The following PLPPR4 variants were observed in gnomAD, a reference collection of about 807,000 sequenced individuals.
The protein encoded by PLPPR4 is phospholipid phosphatase-related protein type 4.
In PLPPR4, 24 loss-of-function variants were observed where a neutral mutation model predicts 56.6. That is an observed-to-expected ratio of 0.42 (90% CI 0.31 to 0.60). PLPPR4 has a LOEUF of 0.60. Ranked by LOEUF, PLPPR4 falls within the 20% of genes least tolerant of loss-of-function variation. The probability of loss-of-function intolerance (pLI) is 0.13; values close to 1 mark genes in which losing one functional copy is unlikely to be tolerated. For synonymous variants in PLPPR4, 326 were observed against 328.1 expected, an observed-to-expected ratio of 0.99 and a Z score of 0.07; for missense variants, 654 against 885.8, an observed-to-expected ratio of 0.74 and a Z score of 3.32.
intron 3 of PLPPR4, among the ~76,000 whole-genome samples, chr1:99,298,521 G>C (rs529805593): frequency 3.9e-5 from 6 of 152,188 alleles, no homozygotes; most frequent in African/African-American, 1.4e-4. Context: ...TCATTTCCAC[G>C]TTAGGGCCTG....
intron 1 of PLPPR4, among the ~76,000 whole-genome samples, chr1:99,280,675 A>C (rs904106222): frequency 1.3e-5 from 2 of 152,228 alleles, no homozygotes; most frequent in Non-Finnish European, 2.9e-5. Flanking sequence ...AGCCTGGAGA[A>C]GGTTTCAGGG....
At chr1:99,269,782 G>GA (rs1659002666) in intron 1 of PLPPR4, among the ~76,000 whole-genome samples, 1 of 152,142 alleles carries the variant, frequency 6.6e-6, no homozygotes, top group Non-Finnish European at 1.5e-5. Context: ...TACAGATAGA[G>GA]AAAAGAGTTT....
At chr1:99,300,371 A>C (rs190354877) in intron 4 of PLPPR4, among the ~76,000 whole-genome samples, 5 of 152,002 alleles carry the variant, frequency 3.3e-5, no homozygotes, top group Non-Finnish European at 7.4e-5. Flanking sequence ...AGTGTACTAC[A>C]TTTTGTTAAT....
At chr1:99,275,269 C>T (rs1659155770) in intron 1 of PLPPR4, among the ~76,000 whole-genome samples, 1 of 151,964 alleles carries the variant, frequency 6.6e-6, no homozygotes, top group Admixed American at 6.6e-5. Flanking sequence ...CCTTTAAGAC[C>T]TCATTTGGTT....
intron 2 of PLPPR4, among the ~76,000 whole-genome samples, chr1:99,291,268 T>A (rs772981428): frequency 4.6e-5 from 7 of 152,080 alleles, no homozygotes; most frequent in Non-Finnish European, 8.8e-5. Context: ...AAATGGCTAT[T>A]ATTAAAAAGT....
chr1:99,304,377 C>T (rs1341473516), intron 6 of PLPPR4, among the ~76,000 whole-genome samples: 2 of 152,104 alleles, frequency 1.3e-5, no homozygotes, highest in South Asian at 4.1e-4. Context: ...TGTAAGTGAA[C>T]TTTATGATGT....
At position 99,305,680 on chromosome 1, in the gene PLPPR4, A is replaced by T; in HGVS notation, c.823-5A>T. The T allele has an allele frequency of 6.2e-7, 1 of 1,608,922 alleles. No homozygotes were observed. Among genetic ancestry groups the T allele is most frequent in the Non-Finnish European group, 8.5e-7 (1 of 1,177,740 alleles). ...TGATATTTATTGCTTTCTCTCAAAC[A>T]CTAGGGCTTGTATGCTGTGGGGAAT... is the stretch of plus-strand genomic sequence containing the variant. On this transcript the variant is annotated splice_polypyrimidine_tract_variant and splice_region_variant and intron_variant, in intron 6 of 6. Transcript: ENST00000370185.
At position 99,296,368 on chromosome 1, in the gene PLPPR4, A is replaced by G. The variant is rs1191851956; in HGVS notation, c.265-370A>G. On this transcript the variant is annotated intron_variant, in intron 2 of 6. Coordinates refer to ENST00000370185, the MANE Select transcript of PLPPR4 (RefSeq NM_014839.5). ...ACTGGACAGTGCAAAGTATAGTTCC[A>G]TCATTGCAGAAATATTTATGGGACA... 3.9e-5 allele frequency among the ~76,000 whole-genome samples: 6 copies of G among 152,330 alleles called. No homozygotes were observed. In the East Asian group the frequency reaches 9.7e-4, roughly 25 times the overall value.
At chr1:99,281,196 G>C (rs1267787076) in intron 1 of PLPPR4, among the ~76,000 whole-genome samples, 1 of 152,176 alleles carries the variant, frequency 6.6e-6, no homozygotes, top group Non-Finnish European at 1.5e-5. Context: ...AGCCCAGAAA[G>C]GTTAAGTGAC....
Position 99,287,417 on chromosome 1 carries a change from T to C in PLPPR4, c.79-548T>C, listed in dbSNP as rs140232588. Among the ~76,000 whole-genome samples, 365 of 152,316 alleles carry C rather than the reference T, an allele frequency of 2.4e-3. 1 individual carries two copies. The highest frequency in any genetic ancestry group is 8.3e-3 in the African/African-American group (343 of 41,562). ...TTTGGGTATATACCCAGTAATGGGA[T>C]TGCTGGGTCAAATGGTATTTCTGGT... On this transcript the variant is annotated intron_variant, in intron 1 of 6. Coordinates refer to ENST00000370185, the MANE Select transcript of PLPPR4 (RefSeq NM_014839.5).
Position 99,307,957 on chromosome 1 carries a change from A to G in PLPPR4, c.*947A>G, listed in dbSNP as rs939259461. ...TCCTATTTTAAAAGCAAAAATAACA[A>G]TTGACATTCCTTGAGCAAAATATAC... On this transcript the variant is annotated 3_prime_UTR_variant, in exon 7 of 7. Transcript: ENST00000370185. 3.3e-5 allele frequency: 5 copies of G among 152,354 alleles called. No homozygotes were observed. The highest frequency in any genetic ancestry group is 9.6e-5 in the African/African-American group (4 of 41,594). The allele number at this position is 152,354 out of a possible 1,614,324, so 9.4% of individuals were successfully genotyped here.
At chr1:99,280,023 T>C (rs1222242099) in intron 1 of PLPPR4, among the ~76,000 whole-genome samples, 1 of 151,832 alleles carries the variant, frequency 6.6e-6, no homozygotes, top group Non-Finnish European at 1.5e-5. Flanking sequence ...AATAAGTGAG[T>C]AGAGAATGTG....
At chr1:99,297,330 T>C (rs1168582073) in intron 3 of PLPPR4, among the ~76,000 whole-genome samples, 1 of 152,156 alleles carries the variant, frequency 6.6e-6, no homozygotes, top group East Asian at 1.9e-4. Context: ...TACTGCATCA[T>C]GGCCATTTTT....
At position 99,296,798 on chromosome 1, in the gene PLPPR4, C is replaced by A; in HGVS notation, c.325C>A (p.Leu109Ile). The A allele has an allele frequency of 6.2e-7, 1 of 1,605,968 alleles. No homozygotes were observed. Among genetic ancestry groups the A allele is most frequent in the Non-Finnish European group, 8.5e-7 (1 of 1,174,356 alleles). The change falls in exon 3 of 7, where the codon CTA becomes ATA. Residue 109 changes from leucine (L) to isoleucine (I), a missense_variant. By Grantham distance (5) the Leu-to-Ile change is conservative (BLOSUM62 2). Coordinates refer to ENST00000370185, the MANE Select transcript of PLPPR4 (RefSeq NM_014839.5). ...CLSKRRNGVG[L>I]EPNINAGGCN... is the part of the protein sequence containing the mutation. ...CTCCAAAAGAAGAAATGGGGTCGGA[C>A]TAGAGCCCAACATTAATGCTGGAGG... is the stretch of plus-strand genomic sequence containing the variant.
chr1:99,289,559 G>A (rs1277388818), intron 2 of PLPPR4, among the ~76,000 whole-genome samples: 1 of 151,948 alleles, frequency 6.6e-6, no homozygotes, highest in Non-Finnish European at 1.5e-5. Context: ...GAGACTTTGA[G>A]ACTAATAAAA....
chr1:99,296,708 C>T (rs1287550567), intron 2 of PLPPR4, 30 bp from the exon 3 acceptor site: 1 of 1,543,276 alleles, frequency 6.5e-7, no homozygotes, highest in Non-Finnish European at 8.8e-7. Context: ...TCCAACATGC[C>T]TCTTCCTGAA....
intron 2 of PLPPR4, among the ~76,000 whole-genome samples, chr1:99,293,866 A>G (rs537725400): frequency 2.6e-4 from 39 of 152,256 alleles, no homozygotes; most frequent in African/African-American, 8.9e-4. Context: ...ACTAAGAAAT[A>G]TATTTCCTCT....
At chr1:99,294,175 A>G (rs995384234) in intron 2 of PLPPR4, among the ~76,000 whole-genome samples, 1 of 151,978 alleles carries the variant, frequency 6.6e-6, no homozygotes, top group African/African-American at 2.4e-5. Context: ...GAGGAGACCT[A>G]TCTTTATGCC....
At chr1:99,268,561 T>C (rs1415226887) in intron 1 of PLPPR4, among the ~76,000 whole-genome samples, 1 of 152,236 alleles carries the variant, frequency 6.6e-6, no homozygotes, top group Admixed American at 6.5e-5. Context: ...TATTTTTTTC[T>C]TACATTTTTG....
Sources: gnomAD v4.1 joint callset for allele counts (sites outside exome capture counted in the v4.1 genomes callset) on GRCh38, gnomAD v4.1.1 for gene constraint, MANE v1.5 for transcripts, NCBI Gene and HGNC (gene_info 2026-07-23, HGNC 2026-07-21) for gene names.